ALS2CL: variants seen among roughly 807,000 people sequenced by gnomAD.
ALS2CL encodes the protein ALS2 C-terminal-like protein.
Under a neutral mutation model 127.9 loss-of-function variants are expected in ALS2CL, and 112 were observed. That is an observed-to-expected ratio of 0.88 (90% CI 0.75 to 1.02). The LOEUF is 1.02. ALS2CL is among the 50% of genes least tolerant of loss of function. The probability of loss-of-function intolerance (pLI) is 0.00; values close to 1 mark genes in which losing one functional copy is unlikely to be tolerated. For synonymous variants in ALS2CL, 519 were observed against 527.6 expected (o/e 0.98, Z 0.22); for missense variants, 1,174 against 1,236.7 (o/e 0.95, Z 0.76).
chr3:46,690,442 G>C (rs1324173603), intron 1 of ALS2CL, among the ~76,000 whole-genome samples: 4 of 152,144 alleles, frequency 2.6e-5, no homozygotes, highest in African/African-American at 9.7e-5. Flanking sequence ...CTGGAGTGAG[G>C]GACCTTCCAA....
At chr3:46,692,988 T>C (rs2106759902) in intron 1 of ALS2CL, among the ~76,000 whole-genome samples, 1 of 152,200 alleles carries the variant, frequency 6.6e-6, no homozygotes, top group Middle Eastern at 3.4e-3. Flanking sequence ...TGGGCTGCCG[T>C]GGCAGCCCCT....
At chr3:46,677,514 A>C in intron 16 of ALS2CL, 1 of 579,332 alleles carries the variant, frequency 1.7e-6, no homozygotes, top group Non-Finnish European at 2.2e-6. Flanking sequence ...GCCCACACTC[A>C]CACCCAGGCT....
At chr3:46,673,217 A>C (rs1575407707) in intron 22 of ALS2CL, 122 bp downstream of exon 22, 2 of 740,576 alleles carry the variant, frequency 2.7e-6, no homozygotes. Context: ...TCTCCTCCCA[A>C]CCCACCCTGC....
In ALS2CL at chr3:46,688,277, G is replaced by C. The variant is rs140182243; in HGVS notation, c.123C>G (p.Pro41=). The C allele has an allele frequency of 7.9e-5, 127 of 1,612,688 alleles. No individual in the cohort carries two copies. The African/African-American group carries it at 1.5e-3, about 19-fold the overall frequency. ...AGAGCCGCAGGCACTCTCTGCCCCAGGGATCCGAGGGATCTGGGGCTGGGG... is the reference window on the plus strand; with the variant it reads ...AGAGCCGCAGGCACTCTCTGCCCCACGGATCCGAGGGATCTGGGGCTGGGG... The part of the protein sequence containing the change: ...LLPAAPDPSD[P]WGRECLRLLQ... The change falls in exon 3 of 26, where the codon CCC becomes CCG. Residue 41 remains proline (P), a synonymous_variant. Coordinates refer to ENST00000318962, the MANE Select transcript of ALS2CL (RefSeq NM_147129.5).
rs905844983 is a variant in ALS2CL, at chr3:46,674,503, T to C, written c.2429+63A>G. On this transcript the variant is annotated intron_variant, in intron 21 of 25. Transcript: ENST00000318962. ...ATCAACCCCAGCCCCACCTTTTGGC[T>C]GAAGACAGTCTGAGTCGAGTTTGAG... The C allele has an allele frequency of 1.7e-5, 27 of 1,563,236 alleles. No homozygotes were observed. The African/African-American group carries it at 3.4e-4, about 20-fold the overall frequency.
At position 46,670,856 on chromosome 3, in the gene ALS2CL, T is replaced by G. The variant is rs1698325138; in HGVS notation, c.*128A>C. ...TCAGGGCAGCAGCAGCATCTTCCTGTGCAAAACAAAATGCTCATCTCCTCC... is the reference window on the plus strand; with the variant it reads ...TCAGGGCAGCAGCAGCATCTTCCTGGGCAAAACAAAATGCTCATCTCCTCC... On this transcript the variant is annotated 3_prime_UTR_variant, in exon 26 of 26. Coordinates refer to ENST00000318962, the MANE Select transcript of ALS2CL (RefSeq NM_147129.5). This position sits in a 1 kb window ranked among gnomAD's most constrained non-coding sequence, Gnocchi z 5.5. 1 of 968,766 alleles carries G rather than the reference T, an allele frequency of 1.0e-6. No individual in the cohort carries two copies. Among genetic ancestry groups the G allele is most frequent in the Non-Finnish European group, 1.6e-6 (1 of 624,300 alleles). The allele number at this position is 968,766 out of a possible 1,614,324, so 60.0% of individuals were successfully genotyped here. A position where few individuals can be genotyped will look rare whatever the true frequency, so the allele number is the denominator to read the frequency against.
chr3:46,680,162 T>C (rs1575426475), intron 14 of ALS2CL: 2 of 461,956 alleles, frequency 4.3e-6, no homozygotes, highest in South Asian at 6.5e-5. Context: ...GAGCAAGTGC[T>C]CCATTCTTGT....
At position 46,669,732 on chromosome 3, in the gene ALS2CL, G is replaced by A. The variant is rs1559450904; in HGVS notation, c.*1252C>T. The A allele has an allele frequency of 6.6e-6, 1 of 152,294 alleles. No homozygotes were observed. 9.4% of individuals were successfully genotyped at this position (152,294 alleles called of 1,614,324 possible). A position where few individuals can be genotyped will look rare whatever the true frequency, so the allele number is the denominator to read the frequency against. ...AATGCTGTCCCTCCTTCCTGGGGAA[G>A]TGGTGGCAAACAGAGGCGCCAAGGC... is the stretch of plus-strand genomic sequence containing the variant. On this transcript the variant is annotated 3_prime_UTR_variant, in exon 26 of 26. Transcript: ENST00000318962.
chr3:46,673,363 C>A lies in ALS2CL; in HGVS notation c.2448G>T (p.Lys816Asn). The part of the protein sequence containing the change: ...LDVQKHLWPL[K>N]DLTLTSNQRY... ...CCTGATTGCTCGTCAGCGTGAGGTC[C>A]TTGAGGGGCCACAAGTGCCTGAAAT... is the stretch of plus-strand genomic sequence containing the variant. Residue 816 changes from lysine to asparagine, a missense_variant, in exon 22 of 26, where the codon AAG (lysine) becomes AAT (asparagine). By Grantham distance (94) the Lys-to-Asn change is moderately conservative (BLOSUM62 0). Coordinates refer to ENST00000318962, the MANE Select transcript of ALS2CL (RefSeq NM_147129.5). 6.4e-7 allele frequency: 1 copy of A among 1,565,120 alleles called. No homozygotes were observed. Among genetic ancestry groups the A allele is most frequent in the Non-Finnish European group, 8.7e-7 (1 of 1,154,484 alleles).
At position 46,672,159 on chromosome 3, in the gene ALS2CL, C is replaced by T. The variant is rs775618276; in HGVS notation, c.2515G>A (p.Glu839Lys). The T allele has an allele frequency of 4.4e-5, 71 of 1,613,988 alleles. No individual in the cohort carries two copies. The South Asian group carries it at 7.0e-4, about 16-fold the overall frequency. The change falls in exon 23 of 26, where the codon GAG becomes AAG. Residue 839 changes from glutamate to lysine, a missense_variant. Transcript: ENST00000318962. ...ACTCACATGATCTTCTGCAGGCACTCGGTGGCTGACAGGAAACACTTGTCC... is the reference window on the plus strand; with the variant it reads ...ACTCACATGATCTTCTGCAGGCACTTGGTGGCTGACAGGAAACACTTGTCC... ...VRDKCFLSAT[E>K]CLQKIMTTVD...
chr3:46,682,602 G>T (rs899725612), intron 10 of ALS2CL, among the ~76,000 whole-genome samples: 15 of 152,288 alleles, frequency 9.8e-5, no homozygotes, highest in Non-Finnish European at 1.6e-4. Flanking sequence ...ATGGGGTGGG[G>T]CCACATGGTC....
In ALS2CL at chr3:46,671,445, G is replaced by A. The variant is rs147244577; in HGVS notation, c.2781+43C>T. ...GGAAGGGAAAAGGGTCTGCCCCAGG[G>A]GCCAGGGCATTTCCACCTCGGTCCA... On this transcript the variant is annotated intron_variant, in intron 25 of 25. Transcript: ENST00000318962. 3 of 1,612,874 alleles carry A rather than the reference G, an allele frequency of 1.9e-6. No homozygotes were observed. The African/African-American group carries it at 4.0e-5, about 22-fold the overall frequency.
rs377665593 is a variant in ALS2CL, at chr3:46,671,596, C to G, written c.2685-12G>C. Reference sequence around the variant, plus strand: ...CCAGGTGCTGAATTCTGGAGAACACCGCCCCACCAAGAGAGCGAGGGAGAC... The same window carrying G: ...CCAGGTGCTGAATTCTGGAGAACACGGCCCCACCAAGAGAGCGAGGGAGAC... On this transcript the variant is annotated splice_polypyrimidine_tract_variant and intron_variant, in intron 24 of 25. Transcript: ENST00000318962. 2 of 1,613,662 alleles carry G rather than the reference C, an allele frequency of 1.2e-6. No individual in the cohort carries two copies. The highest frequency in any genetic ancestry group is 4.5e-5 in the East Asian group (2 of 44,824).
In ALS2CL at chr3:46,683,219, G is replaced by A; in HGVS notation, c.1020C>T (p.Cys340=). Reference sequence around the variant, plus strand: ...CCTGGAAGGTATATTCTGCGCAGCGGCAGTCGGGAGGCTGGGAGGGCTCCA... The same window carrying A: ...CCTGGAAGGTATATTCTGCGCAGCGACAGTCGGGAGGCTGGGAGGGCTCCA... ...AGLEPSQPPD[C]RCAEYTFQAE... Residue 340 remains cysteine, a synonymous_variant, in exon 10 of 26, where the codon TGC becomes TGT. Transcript: ENST00000318962. 8.7e-6 allele frequency: 14 copies of A among 1,608,992 alleles called. No individual in the cohort carries two copies. Among genetic ancestry groups the A allele is most frequent in the Non-Finnish European group, 1.2e-5 (14 of 1,178,034 alleles).
rs138921839 is a variant in ALS2CL at position 46,676,961 on chromosome 3, G to T, written c.1819C>A (p.Arg607=). Residue 607 remains arginine (R), a synonymous_variant, in exon 17 of 26, where the codon CGG becomes AGG. Coordinates refer to ENST00000318962, the MANE Select transcript of ALS2CL (RefSeq NM_147129.5). ...SRWQGVYSPF[R]DFVCAGCPRD... is the part of the protein sequence containing the mutation. ...GGGCAGCCAGCACACACAAAGTCCC[G>T]GAAGGGGCTGTAGACTCCCTGCCAG... 1.2e-6 allele frequency: 2 copies of T among 1,613,380 alleles called. No homozygotes were observed. Among genetic ancestry groups the T allele is most frequent in the Non-Finnish European group, 1.7e-6 (2 of 1,179,888 alleles).
chr3:46,678,331 C>A lies in ALS2CL; in HGVS notation c.1685G>T (p.Gly562Val), dbSNP rs1699039487. 4.3e-6 allele frequency: 7 copies of A among 1,613,376 alleles called. No individual in the cohort carries two copies. The highest frequency in any genetic ancestry group is 5.9e-6 in the Non-Finnish European group (7 of 1,179,598). The stretch of plus-strand genomic sequence containing the variant: ...CACACCCTGTGTGTGCAGTCCTCTC[C>A]CTGCCCCACTGCCGAACGAGCCCTC... The part of the protein sequence containing the change: ...TLEGSFGSGA[G>V]RGLHTQGVLD... Residue 562 changes from glycine to valine, a missense_variant, in exon 16 of 26, where the codon GGG (glycine) becomes GTG (valine). Transcript: ENST00000318962.
chr3:46,678,441 AG>A (rs1699053400), intron 15 of ALS2CL, 52 bp from the exon 16 acceptor site: 1 of 1,576,628 alleles, frequency 6.3e-7, no homozygotes, highest in African/African-American at 1.3e-5. Context: ...TTACCCTTCC[AG>A]CCAATCATGA....
At position 46,681,334 on chromosome 3, in the gene ALS2CL, C is replaced by T. The variant is rs200926707; in HGVS notation, c.1348G>A (p.Gly450Ser). 103 of 1,613,524 alleles carry T rather than the reference C, an allele frequency of 6.4e-5. No individual in the cohort carries two copies. The East Asian group carries it at 2.3e-3, about 36-fold the overall frequency. Residue 450 changes from glycine (G) to serine (S), a missense_variant, in exon 13 of 26, where the codon GGT (glycine) becomes AGT (serine). Physicochemically the swap from Gly to Ser is moderately conservative, Grantham distance 56 (BLOSUM62 0). Coordinates refer to ENST00000318962, the MANE Select transcript of ALS2CL (RefSeq NM_147129.5). This position sits in a 1 kb window ranked among gnomAD's most constrained non-coding sequence, Gnocchi z 4.9. Reference sequence around the variant, plus strand: ...CTGAAGGGCTGGGGGGCCTGCGGACCACTCTCAAGGACCCCAAATCCGTGC... The same window carrying T: ...CTGAAGGGCTGGGGGGCCTGCGGACTACTCTCAAGGACCCCAAATCCGTGC... ...LRHGFGVLES[G>S]PQAPQPFRYT... is the part of the protein sequence containing the mutation.
intron 20 of ALS2CL, 192 bp from the exon 21 acceptor site, chr3:46,674,931 C>T: frequency 5.9e-6 from 3 of 508,496 alleles, no homozygotes; most frequent in Non-Finnish European, 9.9e-6. Context: ...ACTTCATTCC[C>T]TCCTTTGACT....
Sources: gnomAD v4.1 joint callset for allele counts (sites outside exome capture counted in the v4.1 genomes callset) on GRCh38, gnomAD v4.1.1 for gene constraint, Gnocchi (gnomAD v3.1) non-coding constraint, MANE v1.5 for transcripts, NCBI Gene and HGNC (gene_info 2026-07-23, HGNC 2026-07-21) for gene names.